Variants in HSD17B4 observed in about 807,000 individuals in gnomAD.
HSD17B4 encodes hydroxysteroid 17-beta dehydrogenase 4.
HSD17B4 carries 70 observed loss-of-function variants against 101.0 expected under a neutral mutation model. The ratio of observed to expected loss-of-function variants is 0.69; its 90% CI spans 0.57 to 0.85. HSD17B4 has a LOEUF of 0.85. Ranked by LOEUF, HSD17B4 falls within the 40% of genes least tolerant of loss-of-function variation. The probability of loss-of-function intolerance (pLI) is 0.00; values close to 1 mark genes in which losing one functional copy is unlikely to be tolerated. For synonymous variants in HSD17B4, 347 were observed against 297.1 expected (o/e 1.17, Z -1.73); for missense variants, 984 against 892.4 (o/e 1.10, Z -1.31).
chr5:119,500,564 A>G (rs1039359448), intron 13 of HSD17B4, among the ~76,000 whole-genome samples: 1 of 152,092 alleles, frequency 6.6e-6, no homozygotes, highest in Admixed American at 6.6e-5. Context: ...AGTTGAATAT[A>G]TGAGTCTAGA....
At chr5:119,499,790 G>T (rs1043688515) in intron 13 of HSD17B4, among the ~76,000 whole-genome samples, 1 of 151,968 alleles carries the variant, frequency 6.6e-6, no homozygotes, top group Non-Finnish European at 1.5e-5. Context: ...CATAACCCTG[G>T]CATAATGTTA....
At chr5:119,483,624 A>T (rs904210487) in intron 8 of HSD17B4, among the ~76,000 whole-genome samples, 1 of 152,156 alleles carries the variant, frequency 6.6e-6, no homozygotes, top group Non-Finnish European at 1.5e-5. Context: ...GTGTAAAAGG[A>T]AAGACTTTTT....
Position 119,478,954 on chromosome 5 carries a change from C to T in HSD17B4, c.555C>T (p.Ser185=), listed in dbSNP as rs774066654. 4 of 1,613,696 alleles carry T rather than the reference C, an allele frequency of 2.5e-6. No homozygotes were observed. Among genetic ancestry groups the T allele is most frequent in the South Asian group, 1.1e-5 (1 of 91,068 alleles). The change falls in exon 8 of 24, where the codon AGC becomes AGT. Residue 185 remains serine (S), a synonymous_variant. Coordinates refer to ENST00000510025, the MANE Select transcript of HSD17B4 (RefSeq NM_000414.4). ...ANSLAIEGRK[S]NIHCNTIAPN... ...CTCTTGCAATTGAAGGCAGGAAAAGCAACATTCATTGTAACACCATTGCTC... is the reference window on the plus strand; with the variant it reads ...CTCTTGCAATTGAAGGCAGGAAAAGTAACATTCATTGTAACACCATTGCTC...
intron 17 of HSD17B4, among the ~76,000 whole-genome samples, chr5:119,521,746 G>A (rs1197971847): frequency 1.3e-5 from 2 of 151,476 alleles, no homozygotes; most frequent in Non-Finnish European, 2.9e-5. Context: ...ATTTCTTCAT[G>A]TATGTCATCC....
intron 8 of HSD17B4, among the ~76,000 whole-genome samples, chr5:119,488,707 G>T (rs981309924): frequency 2.0e-5 from 3 of 152,122 alleles, no homozygotes; most frequent in African/African-American, 7.2e-5. Context: ...ATGTCTTCAA[G>T]GTCTATTTCA....
intron 22 of HSD17B4, among the ~76,000 whole-genome samples, chr5:119,533,717 G>A (rs1344316778): frequency 1.3e-5 from 2 of 152,042 alleles, no homozygotes; most frequent in African/African-American, 4.8e-5. Flanking sequence ...ATAGCTAGAG[G>A]CAGAGAGTTG....
chr5:119,536,529 G>T lies in HSD17B4; in HGVS notation c.2100G>T (p.Leu700=). The T allele has an allele frequency of 6.2e-7, 1 of 1,612,016 alleles. No homozygotes were observed. The highest frequency in any genetic ancestry group is 1.1e-5 in the South Asian group (1 of 91,056). Residue 700 remains leucine, a synonymous_variant, in exon 23 of 24, where the codon CTG becomes CTT. Coordinates refer to ENST00000510025, the MANE Select transcript of HSD17B4 (RefSeq NM_000414.4). The stretch of plus-strand genomic sequence containing the variant: ...ATGAAGATTTCATGGAGGTGGTCCT[G>T]GGCAAGCTTGACCCTCAGAAGGTAA... ...LSDEDFMEVV[L]GKLDPQKAFF...
intron 1 of HSD17B4, among the ~76,000 whole-genome samples, chr5:119,453,131 AG>A (rs1331952135): frequency 2.0e-5 from 3 of 152,224 alleles, no homozygotes; most frequent in Non-Finnish European, 4.4e-5. Context: ...AGTTCGTGAG[AG>A]GACCTTCTTT....
At chr5:119,453,951 A>G (rs914097398) in intron 1 of HSD17B4, among the ~76,000 whole-genome samples, 1 of 152,224 alleles carries the variant, frequency 6.6e-6, no homozygotes, top group Non-Finnish European at 1.5e-5. Flanking sequence ...CGTTTTTGCC[A>G]TCGCTAAGGA....
At chr5:119,524,281 T>C (rs1434163985) in intron 17 of HSD17B4, among the ~76,000 whole-genome samples, 4 of 152,074 alleles carry the variant, frequency 2.6e-5, no homozygotes, top group Admixed American at 2.0e-4. Flanking sequence ...GAATGATGCT[T>C]TCTTATGAAT....
In HSD17B4 at chr5:119,513,547, C is replaced by A. The variant is rs370014188; in HGVS notation, c.1438-1434C>A. On this transcript the variant is annotated intron_variant, in intron 16 of 23. Transcript: ENST00000510025. ...TACAGGTGCCCGCCACCACACCTGG[C>A]TAATTTTTGTATTTTCAGTAGAGAC... Among the ~76,000 whole-genome samples the A allele has an allele frequency of 8.1e-4, 124 of 152,224 alleles. 1 individual carries two copies. The highest frequency in any genetic ancestry group is 2.7e-3 in the African/African-American group (112 of 41,536).
chr5:119,486,276 C>G (rs902584391), intron 8 of HSD17B4, among the ~76,000 whole-genome samples: 9 of 152,134 alleles, frequency 5.9e-5, no homozygotes, highest in African/African-American at 1.7e-4. Flanking sequence ...CCTTGGTACA[C>G]TGTGAAAAAG....
intron 23 of HSD17B4, among the ~76,000 whole-genome samples, chr5:119,538,640 G>T (rs1251374977): frequency 6.6e-6 from 1 of 152,072 alleles, no homozygotes; most frequent in Non-Finnish European, 1.5e-5. Context: ...TTCATCCCAT[G>T]CCACTTGCCC....
intron 1 of HSD17B4, among the ~76,000 whole-genome samples, chr5:119,455,819 T>C (rs1321946124): frequency 6.6e-6 from 1 of 152,106 alleles, no homozygotes; most frequent in Non-Finnish European, 1.5e-5. Context: ...GAGGCTGTCA[T>C]TGGAGCTGTG....
intron 2 of HSD17B4, among the ~76,000 whole-genome samples, chr5:119,457,610 C>G (rs1270717724): frequency 1.3e-5 from 2 of 152,200 alleles, no homozygotes; most frequent in East Asian, 3.8e-4. Flanking sequence ...CAGATTTTCC[C>G]AAGAATAGCT....
At chr5:119,511,479 A>G (rs1752162431) in intron 16 of HSD17B4, among the ~76,000 whole-genome samples, 1 of 152,244 alleles carries the variant, frequency 6.6e-6, no homozygotes, top group Non-Finnish European at 1.5e-5. Flanking sequence ...ATTGGATCAG[A>G]TTGTTGAACA....
chr5:119,486,089 A>G (rs1749587491), intron 8 of HSD17B4, among the ~76,000 whole-genome samples: 1 of 152,194 alleles, frequency 6.6e-6, no homozygotes. Context: ...AGGAGGCCTC[A>G]GTTTCTCACC....
intron 1 of HSD17B4, among the ~76,000 whole-genome samples, chr5:119,455,869 TG>T (rs1754583209): frequency 6.6e-6 from 1 of 152,246 alleles, no homozygotes; most frequent in Non-Finnish European, 1.5e-5. Context: ...ACCTGAAGTA[TG>T]GAAGCTGCCA....
At chr5:119,504,955 T>G (rs1188842755) in intron 14 of HSD17B4, among the ~76,000 whole-genome samples, 1 of 152,166 alleles carries the variant, frequency 6.6e-6, no homozygotes, top group Non-Finnish European at 1.5e-5. Context: ...TCTAGTTTCA[T>G]TTTTCTGCAT....
Sources: allele counts gnomAD v4.1 joint callset (sites outside exome capture counted in the v4.1 genomes callset), GRCh38; gene constraint gnomAD v4.1.1; transcripts MANE v1.5; gene names NCBI Gene and HGNC (gene_info 2026-07-23, HGNC 2026-07-21).